KCNIP4: variants seen among roughly 807,000 people sequenced by gnomAD.
KCNIP4 encodes Kv channel-interacting protein 4.
In KCNIP4, 12 loss-of-function variants were observed where a neutral mutation model predicts 34.0. The observed-to-expected ratio is 0.35, with a 90% CI of 0.23 to 0.57. The LOEUF (loss-of-function observed/expected upper bound fraction) is 0.57, where lower values mean the gene tolerates loss of function less well. Ranked by LOEUF, KCNIP4 falls within the 20% of genes least tolerant of loss-of-function variation. KCNIP4 has a pLI of 0.83. For synonymous variants in KCNIP4, 124 were observed against 102.2 expected, an observed-to-expected ratio of 1.21 and a Z score of -1.29; for missense variants, 238 against 311.7, an observed-to-expected ratio of 0.76 and a Z score of 1.78.
At chr4:21,732,190 A>G (rs1369598448) in intron 1 of KCNIP4, among the ~76,000 whole-genome samples, 1 of 152,044 alleles carries the variant, frequency 6.6e-6, no homozygotes, top group African/African-American at 2.4e-5. Context: ...ATCTACTAGT[A>G]AAAATAATTA....
intron 1 of KCNIP4, among the ~76,000 whole-genome samples, chr4:21,700,397 G>C (rs368893871): frequency 6.6e-6 from 1 of 152,208 alleles, no homozygotes; most frequent in African/African-American, 2.4e-5. Flanking sequence ...TTTGATAAAC[G>C]CCTGTTCAGG....
At chr4:21,544,397 T>C (rs1737966347) in intron 1 of KCNIP4, 2 of 152,144 alleles carry the variant, frequency 1.3e-5, no homozygotes, top group Non-Finnish European at 2.9e-5. Context: ...CACAGTTCTG[T>C]AGGTTGGACG....
chr4:21,657,975 G>T (rs973445319), intron 1 of KCNIP4, among the ~76,000 whole-genome samples: 1 of 151,994 alleles, frequency 6.6e-6, no homozygotes, highest in African/African-American at 2.4e-5. Context: ...GAGTAGCTGG[G>T]ATTACAGGCA....
intron 1 of KCNIP4, among the ~76,000 whole-genome samples, chr4:21,262,216 G>T (rs932789507): frequency 6.6e-6 from 1 of 151,868 alleles, no homozygotes; most frequent in South Asian, 2.1e-4. Flanking sequence ...TCAGGTCTTG[G>T]TTTTGATGTC....
intron 1 of KCNIP4, among the ~76,000 whole-genome samples, chr4:21,694,203 A>T (rs1712010879): frequency 6.6e-6 from 1 of 152,186 alleles, no homozygotes; most frequent in Admixed American, 6.5e-5. Flanking sequence ...ACACAAATAG[A>T]AGTGTCGTAT....
At chr4:21,124,187 T>C (rs946289031) in intron 1 of KCNIP4, among the ~76,000 whole-genome samples, 2 of 152,180 alleles carry the variant, frequency 1.3e-5, no homozygotes, top group Non-Finnish European at 2.9e-5. Flanking sequence ...ATTCAACTTG[T>C]GGTATCAACG....
chr4:21,312,156 T>C (rs1313544693), intron 1 of KCNIP4, among the ~76,000 whole-genome samples: 1 of 152,152 alleles, frequency 6.6e-6, no homozygotes, highest in African/African-American at 2.4e-5. Flanking sequence ...ATTTGAGCTG[T>C]ACATTACCAC....
At chr4:21,320,769 C>T (rs1714291643) in intron 1 of KCNIP4, among the ~76,000 whole-genome samples, 1 of 151,870 alleles carries the variant, frequency 6.6e-6, no homozygotes, top group African/African-American at 2.4e-5. Context: ...CCAGGAATTT[C>T]AGACCAGCCT....
At chr4:20,969,787 T>C (rs79766102) in intron 1 of KCNIP4, among the ~76,000 whole-genome samples, 5 of 128,534 alleles carry the variant, frequency 3.9e-5, no homozygotes, top group Non-Finnish European at 8.2e-5. Context: ...TAGGTATTAA[T>C]TTATGAAAAA....
At chr4:21,357,934 G>A (rs1477642429) in intron 1 of KCNIP4, among the ~76,000 whole-genome samples, 1 of 152,150 alleles carries the variant, frequency 6.6e-6, no homozygotes, top group Non-Finnish European at 1.5e-5. Context: ...GTCCATCAAT[G>A]ATAGACTGGA....
intron 1 of KCNIP4, among the ~76,000 whole-genome samples, chr4:21,056,760 G>C (rs73245223): frequency 0.059 from 8,993 of 152,178 alleles, 314 homozygotes; most frequent in East Asian, 0.14. Flanking sequence ...GGTATGGACT[G>C]AATGTTTGTG....
intron 1 of KCNIP4, among the ~76,000 whole-genome samples, chr4:21,177,877 T>TATATATATATATATATATATATATATA (rs1338439962): frequency 4.1e-5 from 6 of 146,370 alleles, no homozygotes; most frequent in African/African-American, 1.5e-4. Flanking sequence ...TATATATATA[T>TATATATATATATATATATATATATATA]AAAATATAAC....
intron 1 of KCNIP4, among the ~76,000 whole-genome samples, chr4:21,666,188 T>C (rs1048515065): frequency 3.3e-5 from 5 of 152,208 alleles, no homozygotes; most frequent in Non-Finnish European, 2.9e-5. Flanking sequence ...TGTTCCTTTT[T>C]AAAAGATGAA....
intron 1 of KCNIP4, among the ~76,000 whole-genome samples, chr4:21,734,936 G>T (rs142425679): frequency 2.0e-5 from 3 of 151,798 alleles, no homozygotes. Context: ...GAATGACTTC[G>T]CTCCTATAAA....
chr4:20,756,187 T>C (rs1263623580), intron 4 of KCNIP4, among the ~76,000 whole-genome samples: 2 of 143,786 alleles, frequency 1.4e-5, no homozygotes, highest in Non-Finnish European at 3.0e-5. Flanking sequence ...AAAAAAAAAG[T>C]GTTGGCAAGG....
intron 2 of KCNIP4, among the ~76,000 whole-genome samples, chr4:20,864,071 CGTATGTAT>C (rs199574283): frequency 6.8e-6 from 1 of 147,052 alleles, no homozygotes; most frequent in Non-Finnish European, 1.5e-5. Context: ...TGTATGTATA[CGTATGTAT>C]GTATGTATAT....
At chr4:21,097,246 C>T (rs1185236746) in intron 1 of KCNIP4, among the ~76,000 whole-genome samples, 1 of 152,084 alleles carries the variant, frequency 6.6e-6, no homozygotes, top group African/African-American at 2.4e-5. Flanking sequence ...AGCCATACAA[C>T]AGAACATTAC....
At chr4:21,468,738 ATGT>A (rs1730202439) in intron 1 of KCNIP4, among the ~76,000 whole-genome samples, 1 of 152,326 alleles carries the variant, frequency 6.6e-6, no homozygotes, top group Non-Finnish European at 1.5e-5. Flanking sequence ...CTGTATTCAG[ATGT>A]TGTGAAACTG....
intron 3 of KCNIP4, among the ~76,000 whole-genome samples, chr4:20,846,668 G>T (rs796985996): frequency 2.0e-5 from 3 of 151,710 alleles, no homozygotes; most frequent in Non-Finnish European, 2.9e-5. Context: ...ACACATACGC[G>T]CACACACAAC....
Sources: gnomAD v4.1 joint callset for allele counts (sites outside exome capture counted in the v4.1 genomes callset) on GRCh38, gnomAD v4.1.1 for gene constraint, MANE v1.5 for transcripts, NCBI Gene and HGNC (gene_info 2026-07-23, HGNC 2026-07-21) for gene names.